SCHIP1: variants seen among roughly 807,000 people sequenced by gnomAD.
SCHIP1 encodes schwannomin-interacting protein 1.
SCHIP1 carries 8 observed loss-of-function variants against 29.7 expected under a neutral mutation model. The observed-to-expected ratio is 0.27, with a 90% CI of 0.16 to 0.49. The LOEUF is 0.49. Ranked by LOEUF, SCHIP1 falls within the 20% of genes least tolerant of loss-of-function variation. The pLI, the probability that SCHIP1 is intolerant of heterozygous loss-of-function variation, is 0.99. For synonymous variants in SCHIP1, 76 were observed against 94.9 expected (o/e 0.80, Z 1.16); for missense variants, 193 against 294.6 (o/e 0.66, Z 2.52).
the SCHIP1 span, among the ~76,000 whole-genome samples, chr3:159,750,261 G>GTA: frequency 3.8e-3 from 45 of 11,760 alleles, no homozygotes; most frequent in African/African-American, 6.7e-3. Context: ...GTATGTGTGT[G>GTA]TGTATATATA....
chr3:159,792,067 A>T, the SCHIP1 span, among the ~76,000 whole-genome samples: 1 of 152,178 alleles, frequency 6.6e-6, no homozygotes, highest in South Asian at 2.1e-4. Flanking sequence ...TAGAAAAAAA[A>T]TGACTCATTT....
the SCHIP1 span, among the ~76,000 whole-genome samples, chr3:159,359,196 G>A: frequency 2.0e-5 from 3 of 152,036 alleles, no homozygotes; most frequent in Non-Finnish European, 2.9e-5. Context: ...AAAGTGCTGG[G>A]ATTACAGGCA....
exon 4 of SCHIP1, chr3:159,887,841 C>T (rs746796862): frequency 6.2e-7 from 1 of 1,613,994 alleles, no homozygotes; most frequent in Non-Finnish European, 8.5e-7. Flanking sequence ...ATGGCCAAAC[C>T]AATGGCCAAA....
At chr3:159,382,455 G>C in the SCHIP1 span, among the ~76,000 whole-genome samples, 4 of 151,536 alleles carry the variant, frequency 2.6e-5, no homozygotes, top group African/African-American at 9.7e-5. Context: ...TTTTATGGCT[G>C]CATAGTATTC....
chr3:159,524,916 G>C, the SCHIP1 span, among the ~76,000 whole-genome samples: 4 of 152,060 alleles, frequency 2.6e-5, no homozygotes, highest in Non-Finnish European at 4.4e-5. Flanking sequence ...GACCCCTACT[G>C]TACACCCCAC....
the SCHIP1 span, among the ~76,000 whole-genome samples, chr3:159,447,965 G>T: frequency 6.6e-6 from 1 of 152,150 alleles, no homozygotes; most frequent in South Asian, 2.1e-4. Context: ...ATGGAACAAG[G>T]AGCCTAGGGA....
At chr3:159,467,278 G>A in the SCHIP1 span, among the ~76,000 whole-genome samples, 12 of 151,960 alleles carry the variant, frequency 7.9e-5, no homozygotes, top group South Asian at 2.1e-4. Context: ...TTTAGTGGGC[G>A]TTTTAGTTGT....
At chr3:159,881,274 T>C (rs1716410188) in intron 2 of SCHIP1, among the ~76,000 whole-genome samples, 1 of 152,224 alleles carries the variant, frequency 6.6e-6, no homozygotes, top group East Asian at 1.9e-4. Context: ...CAGAAAAAGA[T>C]ATAGTATAAA....
At chr3:159,672,170 T>C in the SCHIP1 span, among the ~76,000 whole-genome samples, 1 of 152,244 alleles carries the variant, frequency 6.6e-6, no homozygotes, top group African/African-American at 2.4e-5. Context: ...CTTTTCTGAA[T>C]CTATTTATTA....
the SCHIP1 span, among the ~76,000 whole-genome samples, chr3:159,517,348 C>T: frequency 8.5e-5 from 13 of 152,110 alleles, no homozygotes; most frequent in Non-Finnish European, 1.9e-4. Flanking sequence ...TTCCAAATCT[C>T]TGGCCTTTTC....
the SCHIP1 span, among the ~76,000 whole-genome samples, chr3:159,626,231 T>G: frequency 9.7e-6 from 1 of 103,088 alleles, no homozygotes; most frequent in Non-Finnish European, 1.8e-5. Context: ...TATATATATC[T>G]AGATATATCT....
chr3:159,464,519 C>G, the SCHIP1 span, among the ~76,000 whole-genome samples: 2 of 152,256 alleles, frequency 1.3e-5, no homozygotes, highest in East Asian at 3.9e-4. Context: ...TATCTTGCCT[C>G]ATTGAAGGTT....
the SCHIP1 span, among the ~76,000 whole-genome samples, chr3:159,413,471 A>T: frequency 6.6e-6 from 1 of 152,164 alleles, no homozygotes; most frequent in African/African-American, 2.4e-5. Flanking sequence ...AGAGTTGAAG[A>T]TTTCTACCTT....
At chr3:159,764,653 T>C in the SCHIP1 span, 3 of 1,600,276 alleles carry the variant, frequency 1.9e-6, no homozygotes, top group Non-Finnish European at 2.6e-6. The surrounding 1 kb of genome is among the most constrained non-coding windows in gnomAD (Gnocchi z 6.1). Context: ...GATTGATGAG[T>C]GGGCGCCGGA....
chr3:159,527,081 A>G, the SCHIP1 span, among the ~76,000 whole-genome samples: 2 of 152,216 alleles, frequency 1.3e-5, no homozygotes, highest in African/African-American at 4.8e-5. Context: ...ATGTGGTCAC[A>G]ACCAGCCCTT....
At chr3:159,615,880 C>A in the SCHIP1 span, among the ~76,000 whole-genome samples, 6 of 152,154 alleles carry the variant, frequency 3.9e-5, no homozygotes, top group African/African-American at 1.2e-4. Context: ...CTGGAAAAAT[C>A]AAAACATATT....
At chr3:159,280,123 AC>A in the SCHIP1 span, among the ~76,000 whole-genome samples, 2,656 of 152,242 alleles carry the variant, frequency 0.017, 69 homozygotes, top group African/African-American at 0.061. Flanking sequence ...TCTCAGATAA[AC>A]TAAAAAAGAA....
chr3:159,778,497 A>G, the SCHIP1 span, among the ~76,000 whole-genome samples: 3 of 152,276 alleles, frequency 2.0e-5, no homozygotes, highest in South Asian at 6.2e-4. Flanking sequence ...ACTATCACCT[A>G]ACCTACAAAC....
chr3:159,481,271 G>A, the SCHIP1 span, among the ~76,000 whole-genome samples: 1 of 152,088 alleles, frequency 6.6e-6, no homozygotes, highest in South Asian at 2.1e-4. Flanking sequence ...CCCTGCAGAT[G>A]ATCTTGATGT....
Sources: gnomAD v4.1 joint callset for allele counts (sites outside exome capture counted in the v4.1 genomes callset) on GRCh38, gnomAD v4.1.1 for gene constraint, Gnocchi (gnomAD v3.1) non-coding constraint, MANE v1.5 for transcripts, NCBI Gene and HGNC (gene_info 2026-07-23, HGNC 2026-07-21) for gene names.